The following DNAH8 variants were observed in gnomAD, a reference collection of about 807,000 sequenced individuals.
DNAH8 encodes axonemal beta dynein heavy chain 8.
In DNAH8, 382 loss-of-function variants were observed where a neutral mutation model predicts 562.1. The ratio of observed to expected loss-of-function variants is 0.68; its 90% CI spans 0.63 to 0.74. The LOEUF is 0.74. Among genes scored for constraint, DNAH8 ranks in the 30% least tolerant of loss-of-function variants. The pLI is 0.00. For synonymous variants in DNAH8, 1,881 were observed against 1,919.4 expected (o/e 0.98, Z 0.52); for missense variants, 5,203 against 5,620.4 (o/e 0.93, Z 2.37).
intron 43 of DNAH8, among the ~76,000 whole-genome samples, chr6:38,860,884 T>G (rs1336213675): frequency 6.6e-6 from 1 of 152,186 alleles, no homozygotes; most frequent in East Asian, 1.9e-4. Context: ...AATTTTAGAT[T>G]GCAAGATGGA....
In DNAH8 at chr6:38,722,972, G is replaced by T. The variant is rs755843860; in HGVS notation, c.163G>T (p.Val55Phe). 1 of 1,612,680 alleles carries T rather than the reference G, an allele frequency of 6.2e-7. No homozygotes were observed. The highest frequency in any genetic ancestry group is 8.5e-7 in the Non-Finnish European group (1 of 1,179,716). ...TTTCTCTCCTTCCGCAGAAGATGCT[G>T]TTTCTTCTGTGGTGGATTATCGGGA... ...DGFSPSAEDA[V>F]SSVVDYRDLI... The change falls in exon 2 of 93, where the codon GTT (valine) becomes TTT (phenylalanine). Residue 55 changes from valine (V) to phenylalanine (F), a missense_variant. Physicochemically the swap from Val to Phe is conservative, Grantham distance 50. Transcript: ENST00000327475.
chr6:38,860,187 G>A (rs1222484764), intron 42 of DNAH8, among the ~76,000 whole-genome samples: 1 of 152,064 alleles, frequency 6.6e-6, no homozygotes, highest in Non-Finnish European at 1.5e-5. Context: ...ATATTCATGA[G>A]CCCTGAATTT....
At chr6:38,835,495 C>T (rs1426913567) in intron 32 of DNAH8, among the ~76,000 whole-genome samples, 1 of 152,086 alleles carries the variant, frequency 6.6e-6, no homozygotes, top group Non-Finnish European at 1.5e-5. Flanking sequence ...GTAATGGAAA[C>T]AGATGGGCTG....
chr6:38,995,264 A>G (rs182356016), intron 88 of DNAH8, among the ~76,000 whole-genome samples: 3 of 152,278 alleles, frequency 2.0e-5, no homozygotes, highest in Admixed American at 2.0e-4. Flanking sequence ...TGAAATTAAT[A>G]CCACTGGGTT....
chr6:38,880,911 C>T (rs560298642), intron 53 of DNAH8, among the ~76,000 whole-genome samples: 3 of 151,980 alleles, frequency 2.0e-5, no homozygotes, highest in Non-Finnish European at 4.4e-5. Context: ...GCCTGTAATC[C>T]CAGCTACTCA....
Position 38,786,794 on chromosome 6 carries a change from C to A in DNAH8, c.2425C>A (p.Pro809Thr). ...ALQATLFVRH[P>T]ETGKLLVNFD... ...ACAAGCCACGCTTTTTGTGCGACAT[C>A]CAGAAACAGGGAAGTTGCTGGTTAA... Residue 809 changes from proline to threonine, a missense_variant, in exon 18 of 93, where the codon CCA (proline) becomes ACA (threonine). Transcript: ENST00000327475. The A allele has an allele frequency of 6.2e-7, 1 of 1,611,326 alleles. No individual in the cohort carries two copies. The highest frequency in any genetic ancestry group is 8.5e-7 in the Non-Finnish European group (1 of 1,179,136).
intron 71 of DNAH8, among the ~76,000 whole-genome samples, chr6:38,922,585 C>T (rs1206264059): frequency 6.6e-6 from 1 of 151,892 alleles, no homozygotes; most frequent in Non-Finnish European, 1.5e-5. Context: ...TGTTTAGCAC[C>T]AGCTCACAAA....
intron 74 of DNAH8, among the ~76,000 whole-genome samples, chr6:38,927,706 A>T (rs1251671225): frequency 6.6e-6 from 1 of 152,028 alleles, no homozygotes; most frequent in African/African-American, 2.4e-5. Flanking sequence ...CCTTAGCTCA[A>T]TGCATGCTCC....
chr6:38,826,264 T>C lies in DNAH8; in HGVS notation c.3956T>C (p.Ile1319Thr), dbSNP rs201847227. 86 of 1,613,266 alleles carry C rather than the reference T, an allele frequency of 5.3e-5. 1 individual carries two copies. Among genetic ancestry groups the C allele is most frequent in the Non-Finnish European group, 5.9e-6 (7 of 1,179,502 alleles). ...AAAATGTCATACATGATAGCATTTA[T>C]TAATGAATACTTGAAAAAGTTATCT... ...KKKMSYMIAF[I>T]NEYLKKLSRP... The change falls in exon 29 of 93, where the codon ATT (isoleucine) becomes ACT (threonine). Residue 1319 changes from isoleucine (I) to threonine (T), a missense_variant. Physicochemically the swap from Ile to Thr is moderately conservative, Grantham distance 89 (BLOSUM62 -1). Transcript: ENST00000327475.
chr6:38,742,609 C>G (rs374146732), intron 8 of DNAH8, among the ~76,000 whole-genome samples: 54 of 152,086 alleles, frequency 3.6e-4, no homozygotes, highest in African/African-American at 1.3e-3. Flanking sequence ...GCTTCTTTTT[C>G]TTTCTTTCTT....
chr6:39,006,408 A>G (rs542117237), intron 88 of DNAH8, among the ~76,000 whole-genome samples: 7 of 152,174 alleles, frequency 4.6e-5, no homozygotes, highest in Non-Finnish European at 1.0e-4. Flanking sequence ...AAACTCTTCA[A>G]TATTGCAAAT....
Position 38,834,642 on chromosome 6 carries a change from G to T in DNAH8, c.4365+1G>T. 4 of 1,604,840 alleles carry T rather than the reference G, an allele frequency of 2.5e-6. No individual in the cohort carries two copies. The highest frequency in any genetic ancestry group is 3.4e-6 in the Non-Finnish European group (4 of 1,175,366). On this transcript the variant is annotated splice_donor_variant, in intron 32 of 92. Coordinates refer to ENST00000327475, the MANE Select transcript of DNAH8 (RefSeq NM_001206927.2). LOFTEE classifies it high-confidence loss of function. ...TAGCAACAGGCTACAGATATTTCAG[G>T]TGAAACCACATTTTTTTTGTTACAT...
intron 62 of DNAH8, among the ~76,000 whole-genome samples, chr6:38,905,424 T>G (rs966233905): frequency 6.4e-4 from 97 of 152,234 alleles, no homozygotes; most frequent in African/African-American, 2.2e-3. Context: ...CTATTATTTA[T>G]ACCTTATTGC....
intron 44 of DNAH8, among the ~76,000 whole-genome samples, chr6:38,863,045 C>G (rs1279109914): frequency 6.6e-6 from 1 of 152,174 alleles, no homozygotes; most frequent in African/African-American, 2.4e-5. Context: ...AATTATATCT[C>G]TAGCTCGGAC....
chr6:38,927,799 T>G (rs1374101588), intron 74 of DNAH8, among the ~76,000 whole-genome samples: 1 of 152,178 alleles, frequency 6.6e-6, no homozygotes, highest in Non-Finnish European at 1.5e-5. Flanking sequence ...ACTGATAGTC[T>G]TCACTGAAGT....
At chr6:38,949,431 T>A (rs1761703996) in intron 80 of DNAH8, 21 bp from the exon 81 acceptor site, 1 of 1,438,802 alleles carries the variant, frequency 7.0e-7, no homozygotes, top group African/African-American at 1.4e-5. Context: ...TGTGGCTTGC[T>A]AATTGGCTTG....
Position 38,857,586 on chromosome 6 carries a change from T to G in DNAH8, c.5802T>G (p.Asp1934Glu), listed in dbSNP as rs753223026. 2.7e-5 allele frequency: 43 copies of G among 1,613,858 alleles called. No homozygotes were observed. Among genetic ancestry groups the G allele is most frequent in the Non-Finnish European group, 3.6e-5 (42 of 1,179,926 alleles). ...DSEEALRNAK[D>E]DRKIMQVTNQ... Reference sequence around the variant, plus strand: ...AAGAGGCTTTACGTAATGCAAAAGATGACAGGAAAATCATGCAAGTGACCA... The same window carrying G: ...AAGAGGCTTTACGTAATGCAAAAGAGGACAGGAAAATCATGCAAGTGACCA... The change falls in exon 42 of 93, where the codon GAT becomes GAG. Residue 1934 changes from aspartate to glutamate, a missense_variant. Coordinates refer to ENST00000327475, the MANE Select transcript of DNAH8 (RefSeq NM_001206927.2).
intron 91 of DNAH8, among the ~76,000 whole-genome samples, chr6:39,013,255 A>T (rs1013708708): frequency 3.9e-5 from 6 of 152,258 alleles, no homozygotes; most frequent in Admixed American, 3.9e-4. Context: ...TAAAATATGG[A>T]TAGTTTTACT....
chr6:38,734,452 A>T, intron 4 of DNAH8, 22 bp from the exon 5 acceptor site: 4 of 1,612,242 alleles, frequency 2.5e-6, no homozygotes, highest in Non-Finnish European at 3.4e-6. Context: ...TTATACGCTA[A>T]GTTCTTGACT....
Sources: gnomAD v4.1 joint callset for allele counts (sites outside exome capture counted in the v4.1 genomes callset) on GRCh38, gnomAD v4.1.1 for gene constraint, MANE v1.5 for transcripts, NCBI Gene and HGNC (gene_info 2026-07-23, HGNC 2026-07-21) for gene names.